The following EPN2 variants were observed in gnomAD, a reference collection of about 807,000 sequenced individuals.
The protein encoded by EPN2 is epsin 2.
EPN2 carries 34 observed loss-of-function variants against 61.7 expected under a neutral mutation model. The observed-to-expected ratio is 0.55, with a 90% CI of 0.42 to 0.73. EPN2 has a LOEUF of 0.73. EPN2 is among the 30% of genes least tolerant of loss of function. The probability of loss-of-function intolerance (pLI) is 0.00; values close to 1 mark genes in which losing one functional copy is unlikely to be tolerated. For missense variants in EPN2, 714 were observed against 839.2 expected, an observed-to-expected ratio of 0.85 and a Z score of 1.84; for synonymous variants, 349 against 353.6, an observed-to-expected ratio of 0.99 and a Z score of 0.15.
intron 5 of EPN2, among the ~76,000 whole-genome samples, chr17:19,310,374 G>A (rs946692472): frequency 2.0e-5 from 3 of 152,108 alleles, no homozygotes; most frequent in African/African-American, 7.2e-5. Flanking sequence ...GGCCTGAGGG[G>A]CAGGAGCCAG....
At position 19,247,005 on chromosome 17, in the gene EPN2, C is replaced by A. The variant is rs1227399852; in HGVS notation, c.-294+9474C>A. On this transcript the variant is annotated intron_variant, in intron 1 of 10. Coordinates refer to ENST00000314728, the MANE Select transcript of EPN2 (RefSeq NM_014964.5). ...CAGGATGGTCTTGATCTCCTGACCT[C>A]GTGATCTGCCCACCTCAGCTTCCCA... Among the ~76,000 whole-genome samples, 4 of 151,962 alleles carry A rather than the reference C, an allele frequency of 2.6e-5. No individual in the cohort carries two copies. In the South Asian group the frequency reaches 8.3e-4, roughly 32 times the overall value.
chr17:19,253,410 CTTTTTTTTTTTT>C (rs59492982), intron 1 of EPN2, among the ~76,000 whole-genome samples: 1 of 101,856 alleles, frequency 9.8e-6, no homozygotes, highest in Non-Finnish European at 1.9e-5. Flanking sequence ...TAAATAGTTG[CTTTTTTTTTTTT>C]TTTTTTTTTT....
At chr17:19,255,542 C>A (rs994575819) in intron 1 of EPN2, among the ~76,000 whole-genome samples, 2 of 143,486 alleles carry the variant, frequency 1.4e-5, no homozygotes, top group Non-Finnish European at 3.0e-5. Flanking sequence ...GTACCTTAAT[C>A]AGCATCCTCT....
rs1472387880 is a variant in EPN2, at chr17:19,237,451, CCGCGGGCTA to C, written c.-371_-363del. On this transcript the variant is annotated 5_prime_UTR_variant, in exon 1 of 11. Transcript: ENST00000314728. ...GCCAGACGCGGCGGTGGCGGCGGCT[CCGCGGGCTA>C]CGGTCGCTCCCGCCTCTCGAGCGCT... The C allele has an allele frequency of 6.6e-6, 1 of 152,076 alleles. No individual in the cohort carries two copies. The highest frequency in any genetic ancestry group is 6.6e-5 in the Admixed American group (1 of 15,262). 9.4% of individuals were successfully genotyped at this position (152,076 alleles called of 1,614,324 possible). A position where few individuals can be genotyped will look rare whatever the true frequency, so the allele number is the denominator to read the frequency against.
At chr17:19,306,536 G>C (rs1024503842) in intron 4 of EPN2, among the ~76,000 whole-genome samples, 32 of 152,254 alleles carry the variant, frequency 2.1e-4, no homozygotes, top group African/African-American at 7.7e-4. Context: ...GCCAGTATGT[G>C]CCAGCTGTGC....
intron 1 of EPN2, among the ~76,000 whole-genome samples, chr17:19,245,132 C>G (rs2044930818): frequency 6.6e-6 from 1 of 152,164 alleles, no homozygotes; most frequent in African/African-American, 2.4e-5. Flanking sequence ...TCTATGATAA[C>G]AGCTTACCTC....
intron 7 of EPN2, among the ~76,000 whole-genome samples, chr17:19,316,212 A>G (rs932376725): frequency 2.0e-5 from 3 of 152,246 alleles, no homozygotes; most frequent in African/African-American, 4.8e-5. Context: ...AGAAACCTGG[A>G]TTTTTGAAAT....
Position 19,331,954 on chromosome 17 carries a change from G to A in EPN2, c.1513G>A (p.Ala505Thr). ...TGTCGCCTCAAGCAAGCCCAGCAGT[G>A]CCCGGAAAACACCTGAGTCCTTCCT... Reference protein sequence around the residue: ...LTVASSKPSSARKTPESFLGP... With the variant: ...LTVASSKPSSTRKTPESFLGP... The change falls in exon 10 of 11, where the codon GCC becomes ACC. Residue 505 changes from alanine (A) to threonine (T), a missense_variant. Physicochemically the swap from Ala to Thr is moderately conservative, Grantham distance 58 (BLOSUM62 0). Around this residue, in one of 2 missense-constraint regions of EPN2, gnomAD observed 410 missense variants for 421.8 expected, o/e 0.97. Transcript: ENST00000314728. 1 of 1,614,140 alleles carries A rather than the reference G, an allele frequency of 6.2e-7. No homozygotes were observed. The highest frequency in any genetic ancestry group is 1.1e-5 in the South Asian group (1 of 91,068).
chr17:19,327,611 G>A (rs114317770), intron 7 of EPN2, among the ~76,000 whole-genome samples: 110 of 152,268 alleles, frequency 7.2e-4, no homozygotes, highest in African/African-American at 2.5e-3. Context: ...AGGTGGAGGC[G>A]TAGTGAGCTG....
At chr17:19,309,835 G>A (rs746115625) in intron 4 of EPN2, 50 bp from the exon 5 acceptor site, 4 of 1,457,470 alleles carry the variant, frequency 2.7e-6, no homozygotes, top group Non-Finnish European at 3.8e-6. Flanking sequence ...CTGTGCAGGA[G>A]CTGTATCAGC....
At chr17:19,260,429 C>T (rs915807139) in intron 1 of EPN2, among the ~76,000 whole-genome samples, 2 of 152,102 alleles carry the variant, frequency 1.3e-5, no homozygotes, top group East Asian at 1.9e-4. Flanking sequence ...GGGACAGACG[C>T]GGGACGGTGC....
At position 19,330,346 on chromosome 17, in the gene EPN2, A is replaced by G. The variant is rs866301840; in HGVS notation, c.1411+699A>G. ...TGGCTTCTGCTGCTTGCCTCCCCCA[A>G]TTTCCCTACCACCTCTATCCCAGTC... is the stretch of plus-strand genomic sequence containing the variant. On this transcript the variant is annotated intron_variant, in intron 9 of 10. Transcript: ENST00000314728. Among the ~76,000 whole-genome samples the G allele has an allele frequency of 2.0e-5, 3 of 151,276 alleles. No homozygotes were observed. In the East Asian group the frequency reaches 5.9e-4, roughly 30 times the overall value.
rs1024886271 is a variant in EPN2 at position 19,265,643 on chromosome 17, C to T, written c.-293-16312C>T. On this transcript the variant is annotated intron_variant, in intron 1 of 10. Coordinates refer to ENST00000314728, the MANE Select transcript of EPN2 (RefSeq NM_014964.5). Reference sequence around the variant, plus strand: ...ATTGCATTCTTGTCCCCATCTTCCTCTGCTCTCTCTCTCTCCCTTATGCCT... The same window carrying T: ...ATTGCATTCTTGTCCCCATCTTCCTTTGCTCTCTCTCTCTCCCTTATGCCT... Among the ~76,000 whole-genome samples, 15 of 152,078 alleles carry T rather than the reference C, an allele frequency of 9.9e-5. 1 individual carries two copies. The highest frequency in any genetic ancestry group is 3.4e-4 in the African/African-American group (14 of 41,366).
chr17:19,329,884 T>G (rs1907078465), intron 9 of EPN2, among the ~76,000 whole-genome samples: 1 of 152,204 alleles, frequency 6.6e-6, no homozygotes, highest in Non-Finnish European at 1.5e-5. Context: ...TCCTGCAGAT[T>G]CCACAGCCCC....
At chr17:19,293,401 G>T (rs758488981) in intron 4 of EPN2, among the ~76,000 whole-genome samples, 18 of 150,432 alleles carry the variant, frequency 1.2e-4, no homozygotes, top group Admixed American at 3.3e-4. Flanking sequence ...ACAGGGTCTT[G>T]CTCTGTTGCT....
At chr17:19,253,385 C>T (rs2045035872) in intron 1 of EPN2, among the ~76,000 whole-genome samples, 2 of 148,746 alleles carry the variant, frequency 1.3e-5, no homozygotes, top group Non-Finnish European at 3.0e-5. Context: ...GGGTTGTTTC[C>T]ACATTTGGCT....
At chr17:19,248,616 T>C (rs1217534502) in intron 1 of EPN2, among the ~76,000 whole-genome samples, 1 of 152,240 alleles carries the variant, frequency 6.6e-6, no homozygotes, top group African/African-American at 2.4e-5. Flanking sequence ...CATTGTAATA[T>C]ATGGTATTTC....
At chr17:19,297,312 A>G (rs1298356381) in intron 4 of EPN2, 3 of 152,234 alleles carry the variant, frequency 2.0e-5, no homozygotes, top group African/African-American at 7.2e-5. Context: ...ACATCCCCAA[A>G]AGTGCTGACA....
rs974541574 is a variant in EPN2, at chr17:19,335,640, G to A, written c.*1386G>A. On this transcript the variant is annotated 3_prime_UTR_variant, in exon 11 of 11. Transcript: ENST00000314728. Reference sequence around the variant, plus strand: ...AGGGGTGGGGGGCTAAGGGACCAGGGCTGGCCCTGATCCACCTACCTGCTA... The same window carrying A: ...AGGGGTGGGGGGCTAAGGGACCAGGACTGGCCCTGATCCACCTACCTGCTA... The A allele has an allele frequency of 2.1e-6, 1 of 478,230 alleles. No homozygotes were observed. Among genetic ancestry groups the A allele is most frequent in the South Asian group, 6.7e-5 (1 of 14,822 alleles). The allele number at this position is 478,230 out of a possible 1,614,324, so 29.6% of individuals were successfully genotyped here. A position where few individuals can be genotyped will look rare whatever the true frequency, so the allele number is the denominator to read the frequency against.
Sources: gnomAD v4.1 joint callset for allele counts (sites outside exome capture counted in the v4.1 genomes callset) on GRCh38, gnomAD v4.1.1 for gene constraint, gnomAD v4.1.1 regional missense constraint, MANE v1.5 for transcripts, NCBI Gene and HGNC (gene_info 2026-07-23, HGNC 2026-07-21) for gene names.